TENM1: variants seen among roughly 807,000 people sequenced by gnomAD.
TENM1 encodes teneurin-1.
TENM1 carries 35 observed loss-of-function variants against 174.8 expected under a neutral mutation model. That is an observed-to-expected ratio of 0.20 (90% CI 0.15 to 0.27). The LOEUF (loss-of-function observed/expected upper bound fraction) is 0.27. Ranked by LOEUF, TENM1 falls within the 10% of genes least tolerant of loss-of-function variation. The probability of loss-of-function intolerance (pLI) is 1.00; values close to 1 mark genes in which losing one functional copy is unlikely to be tolerated. For synonymous variants in TENM1, 781 were observed against 798.7 expected, an observed-to-expected ratio of 0.98 and a Z score of 0.37; for missense variants, 1,633 against 2,130.1, an observed-to-expected ratio of 0.77 and a Z score of 4.59.
exon 32 of TENM1, chrX:124,377,985 T>C (rs774524910): frequency 2.5e-4 from 26 of 104,754 alleles, no homozygotes; most frequent in African/African-American, 8.3e-4. Context: ...TACTGATTAG[T>C]AGTTTTGTTT....
At chrX:124,402,345 G>T (rs2060409710) in intron 27 of TENM1, among the ~76,000 whole-genome samples, 1 of 112,145 alleles carries the variant, frequency 8.9e-6, no homozygotes, top group African/African-American at 3.2e-5. Context: ...GGACCTCAGG[G>T]AGTAGCCTAG....
intron 3 of TENM1, among the ~76,000 whole-genome samples, chrX:124,768,083 C>T (rs1422008132): frequency 1.8e-5 from 2 of 111,457 alleles, no homozygotes; most frequent in African/African-American, 3.3e-5. Flanking sequence ...ATAAAACACA[C>T]GAACCACAGC....
intron 11 of TENM1, among the ~76,000 whole-genome samples, chrX:124,590,837 A>G (rs1440301104): frequency 8.9e-6 from 1 of 112,025 alleles, no homozygotes; most frequent in African/African-American, 3.2e-5. Flanking sequence ...GGGGTGTTGA[A>G]GAACCATACT....
chrX:124,565,396 C>G, exon 12 of TENM1: 1 of 1,198,884 alleles, frequency 8.3e-7, no homozygotes, highest in Non-Finnish European at 1.1e-6. Context: ...TGGTCGCCCT[C>G]CCATCCAGGG....
chrX:125,046,145 C>T, the TENM1 span, among the ~76,000 whole-genome samples: 6 of 111,803 alleles, frequency 5.4e-5, no homozygotes, highest in Non-Finnish European at 1.1e-4. Context: ...AATCTGTTCA[C>T]TTTTTACATA....
intron 6 of TENM1, among the ~76,000 whole-genome samples, chrX:124,663,353 A>C (rs1023555119): frequency 8.9e-6 from 1 of 112,204 alleles, no homozygotes; most frequent in African/African-American, 3.2e-5. Flanking sequence ...CACGCAGGAA[A>C]AATGCAGATT....
At chrX:124,637,127 T>C (rs1400140179) in intron 11 of TENM1, among the ~76,000 whole-genome samples, 3 of 107,681 alleles carry the variant, frequency 2.8e-5, no homozygotes, top group Non-Finnish European at 3.9e-5. Context: ...TTCGCTCTTG[T>C]TGCCCAGGCT....
chrX:124,859,218 T>A (rs1205601212), intron 3 of TENM1, among the ~76,000 whole-genome samples: 1 of 110,999 alleles, frequency 9.0e-6, no homozygotes, highest in Non-Finnish European at 1.9e-5. Context: ...TATTGCTATT[T>A]AGTATGTACA....
intron 6 of TENM1, among the ~76,000 whole-genome samples, chrX:124,655,554 G>A (rs1301379318): frequency 1.8e-5 from 2 of 111,767 alleles, no homozygotes; most frequent in Admixed American, 9.5e-5. Flanking sequence ...TCTGTTCTTT[G>A]TGCTCACCCA....
upstream of TENM1, chrX:124,963,887 T>C: frequency 1.9e-6 from 1 of 522,585 alleles, no homozygotes; most frequent in East Asian, 3.4e-5. Flanking sequence ...ATCTGGCAGA[T>C]TCACAATTGG....
intron 5 of TENM1, among the ~76,000 whole-genome samples, chrX:124,676,233 T>C (rs1348817742): frequency 3.9e-5 from 3 of 77,488 alleles, no homozygotes; most frequent in African/African-American, 1.4e-4. Context: ...AGGTCAAAGT[T>C]ACTGTTCCCT....
At chrX:124,445,426 A>G (rs1361642345) in intron 23 of TENM1, among the ~76,000 whole-genome samples, 1 of 112,036 alleles carries the variant, frequency 8.9e-6, no homozygotes, top group Non-Finnish European at 1.9e-5. Context: ...GAAGAGTAAG[A>G]TTCCTAGTGG....
At chrX:124,452,608 C>T (rs372154337) in intron 23 of TENM1, among the ~76,000 whole-genome samples, 7 of 110,975 alleles carry the variant, frequency 6.3e-5, no homozygotes, top group Non-Finnish European at 1.3e-4. Context: ...TAGCAAAGAC[C>T]TGGAACCAAC....
intron 1 of TENM1, among the ~76,000 whole-genome samples, chrX:124,897,594 T>C (rs370386824): frequency 2.0e-4 from 23 of 112,696 alleles, no homozygotes; most frequent in African/African-American, 6.4e-4. Context: ...ATTGTTTACT[T>C]AATACCACTA....
chrX:124,975,487 C>G, the TENM1 span, among the ~76,000 whole-genome samples: 5 of 111,638 alleles, frequency 4.5e-5, no homozygotes, highest in Admixed American at 1.9e-4. Context: ...TCTTATACAA[C>G]CAAAGATATA....
intron 1 of TENM1, 106 bp from the exon 5 acceptor site, chrX:124,896,347 C>T (rs182046744): frequency 1.2e-4 from 102 of 886,002 alleles, no homozygotes; most frequent in African/African-American, 7.2e-4. Context: ...GTAGTAATTA[C>T]GTGTTTTTGC....
At chrX:124,608,029 G>A (rs2050199446) in intron 11 of TENM1, among the ~76,000 whole-genome samples, 1 of 111,118 alleles carries the variant, frequency 9.0e-6, no homozygotes, top group Non-Finnish European at 1.9e-5. Context: ...CTAAAAGAGT[G>A]GCAAGTATAA....
chrX:125,126,525 A>C, the TENM1 span, among the ~76,000 whole-genome samples: 1 of 111,461 alleles, frequency 9.0e-6, no homozygotes. Flanking sequence ...TGTGCTAGGC[A>C]TATCTAAGTA....
chrX:124,625,790 C>G (rs994492221), intron 11 of TENM1, among the ~76,000 whole-genome samples: 4 of 110,612 alleles, frequency 3.6e-5, no homozygotes, highest in Non-Finnish European at 7.6e-5. Flanking sequence ...AGAGCAGCAT[C>G]AAGGGGATCA....
Sources: gnomAD v4.1 joint callset for allele counts (sites outside exome capture counted in the v4.1 genomes callset) on GRCh38, gnomAD v4.1.1 for gene constraint, MANE v1.5 for transcripts, NCBI Gene and HGNC (gene_info 2026-07-23, HGNC 2026-07-21) for gene names.